Variants in SGPL1 observed in about 807,000 individuals in gnomAD.
The protein encoded by SGPL1 is SP-lyase 1.
Under a neutral mutation model 68.9 loss-of-function variants are expected in SGPL1, and 37 were observed. The observed-to-expected ratio is 0.54, with a 90% CI of 0.41 to 0.71. SGPL1 has a LOEUF of 0.71. Among genes scored for constraint, SGPL1 ranks in the 30% least tolerant of loss-of-function variants. The pLI is 0.00. For synonymous variants in SGPL1, 236 were observed against 248.5 expected (o/e 0.95, Z 0.47); for missense variants, 551 against 704.6 (o/e 0.78, Z 2.47).
At chr10:70,863,237 T>G (rs567417246) in intron 7 of SGPL1, among the ~76,000 whole-genome samples, 108 of 151,514 alleles carry the variant, frequency 7.1e-4, no homozygotes, top group Non-Finnish European at 1.3e-3. Context: ...TCTGCCTGCC[T>G]TGGCTTCTCA....
At chr10:70,858,726 C>T (rs769438342) in intron 6 of SGPL1, among the ~76,000 whole-genome samples, 6 of 152,174 alleles carry the variant, frequency 3.9e-5, no homozygotes. Flanking sequence ...CTTCATTTCC[C>T]ACATAAACAC....
intron 7 of SGPL1, among the ~76,000 whole-genome samples, chr10:70,861,568 G>A (rs993101124): frequency 3.3e-5 from 5 of 152,338 alleles, no homozygotes; most frequent in East Asian, 3.9e-4. Context: ...TCAGCCCACC[G>A]CTGCACTGTA....
chr10:70,857,430 C>A, intron 5 of SGPL1, 184 bp from the exon 6 acceptor site: 4 of 520,900 alleles, frequency 7.7e-6, no homozygotes, highest in Non-Finnish European at 6.9e-6. Flanking sequence ...GATTTTTCAT[C>A]TTTATTTTAT....
At position 70,871,164 on chromosome 10, in the gene SGPL1, G is replaced by GCTGCTAA. The variant is rs2131942047; in HGVS notation, c.909+19_909+25dup. ...TGGCCAAGGTATATGAGAGAAATGGGCTGCTAAGGCAGGCAAATGGATATT... is the reference window on the plus strand; with the variant it reads ...TGGCCAAGGTATATGAGAGAAATGGGCTGCTAACTGCTAAGGCAGGCAAATGGATATT... On this transcript the variant is annotated intron_variant, in intron 10 of 14. Coordinates refer to ENST00000373202, the MANE Select transcript of SGPL1 (RefSeq NM_003901.4). 3 of 1,502,716 alleles carry GCTGCTAA rather than the reference G, an allele frequency of 2.0e-6. No individual in the cohort carries two copies. In the East Asian group the frequency reaches 6.8e-5, roughly 34 times the overall value. The allele number at this position is 1,502,716 out of a possible 1,614,324, so 93.1% of individuals were successfully genotyped here.
At chr10:70,860,311 C>T (rs1846030079) in intron 7 of SGPL1, 3 of 452,928 alleles carry the variant, frequency 6.6e-6, no homozygotes, top group African/African-American at 6.2e-5. Flanking sequence ...ATCATATTTG[C>T]AGTCATTATA....
Position 70,854,849 on chromosome 10 carries a change from T to C in SGPL1, c.403T>C (p.Ser135Pro). Residue 135 changes from serine (S) to proline (P), a missense_variant, in exon 5 of 15, where the codon TCT becomes CCT. Coordinates refer to ENST00000373202, the MANE Select transcript of SGPL1 (RefSeq NM_003901.4). ...AVLEKLKEYS[S>P]MDAFWQEGRA... is the part of the protein sequence containing the mutation. ...TTTGGAGAAACTTAAGGAGTACAGC[T>C]CTATGGGTATGATGCTTGGCATATA... The C allele has an allele frequency of 6.2e-7, 1 of 1,604,580 alleles. No individual in the cohort carries two copies. The highest frequency in any genetic ancestry group is 8.5e-7 in the Non-Finnish European group (1 of 1,176,712).
At chr10:70,865,335 T>G (rs1846164004) in intron 7 of SGPL1, among the ~76,000 whole-genome samples, 1 of 149,644 alleles carries the variant, frequency 6.7e-6, no homozygotes, top group African/African-American at 2.5e-5. Context: ...TTTTTTTTTT[T>G]CTTCCCATCT....
Position 70,879,379 on chromosome 10 carries a change from ATGTGTG to A in SGPL1, c.*2064_*2069del, listed in dbSNP as rs34643236. On this transcript the variant is annotated 3_prime_UTR_variant, in exon 15 of 15. Coordinates refer to ENST00000373202, the MANE Select transcript of SGPL1 (RefSeq NM_003901.4). ...GCCATTCAGGGCTGGTGTGGCATTT[ATGTGTG>A]TGTGTGTGTGTGTGTGTGTTTTTCC... 14 of 150,374 alleles carry A rather than the reference ATGTGTG, an allele frequency of 9.3e-5. No individual in the cohort carries two copies. Among genetic ancestry groups the A allele is most frequent in the South Asian group, 2.1e-4 (1 of 4,698 alleles). 9.3% of individuals were successfully genotyped at this position (150,374 alleles called of 1,614,324 possible). A position where few individuals can be genotyped will look rare whatever the true frequency, so the allele number is the denominator to read the frequency against.
At chr10:70,821,263 C>T (rs371311936) in intron 2 of SGPL1, among the ~76,000 whole-genome samples, 140 of 152,348 alleles carry the variant, frequency 9.2e-4, no homozygotes, top group African/African-American at 3.1e-3. Context: ...CTTTCTCCCC[C>T]TTGGCAACCA....
At chr10:70,876,749 C>T in intron 14 of SGPL1, 88 bp downstream of exon 14, 3 of 1,148,090 alleles carry the variant, frequency 2.6e-6, no homozygotes, top group Admixed American at 2.2e-5. Context: ...GGAGTCTGTT[C>T]CTGCCTCTGC....
At chr10:70,854,633 T>C in intron 4 of SGPL1, 75 bp from the exon 5 acceptor site, 1 of 1,355,204 alleles carries the variant, frequency 7.4e-7, no homozygotes, top group Non-Finnish European at 1.0e-6. Flanking sequence ...GAGCAGTTGC[T>C]TGACTGTCAT....
Position 70,877,198 on chromosome 10 carries a change from G to C in SGPL1, c.1570G>C (p.Ala524Pro). Residue 524 changes from alanine (A) to proline (P), a missense_variant, in exon 15 of 15, where the codon GCC (alanine) becomes CCC (proline). Coordinates refer to ENST00000373202, the MANE Select transcript of SGPL1 (RefSeq NM_003901.4). Reference protein sequence around the residue: ...NPKAKTTGMGAIYGMAQTTVD... With the variant: ...NPKAKTTGMGPIYGMAQTTVD... ...GTCTCTTTCTTTGGATTTGTAGGGTGCCATCTATGGCATGGCCCAGACAAC... is the reference window on the plus strand; with the variant it reads ...GTCTCTTTCTTTGGATTTGTAGGGTCCCATCTATGGCATGGCCCAGACAAC... 6.2e-7 allele frequency: 1 copy of C among 1,614,160 alleles called. No homozygotes were observed.
At chr10:70,870,655 G>C (rs529368902) in intron 9 of SGPL1, among the ~76,000 whole-genome samples, 3 of 152,144 alleles carry the variant, frequency 2.0e-5, no homozygotes, top group Non-Finnish European at 4.4e-5. Context: ...TGAGCTTTAT[G>C]ACATTCCAGA....
At position 70,844,707 on chromosome 10, in the gene SGPL1, T is replaced by C; in HGVS notation, c.193+69T>C. The C allele has an allele frequency of 7.1e-6, 10 of 1,400,182 alleles. 1 individual carries two copies. Among genetic ancestry groups the C allele is most frequent in the Non-Finnish European group, 9.9e-6 (10 of 1,013,522 alleles). 86.7% of individuals were successfully genotyped at this position (1,400,182 alleles called of 1,614,324 possible). On this transcript the variant is annotated intron_variant, in intron 3 of 14. Coordinates refer to ENST00000373202, the MANE Select transcript of SGPL1 (RefSeq NM_003901.4). Reference sequence around the variant, plus strand: ...TAGCCTCAAACTAATTGCTGAGAGATAGGACTAATTTATTGCCTTTTGGTT... The same window carrying C: ...TAGCCTCAAACTAATTGCTGAGAGACAGGACTAATTTATTGCCTTTTGGTT...
rs372421253 is a variant in SGPL1 at position 70,816,924 on chromosome 10, T to TC, written c.27+46dup. 6.7e-4 allele frequency: 1,067 copies of TC among 1,600,078 alleles called. 4 individuals carry two copies. In the African/African-American group the frequency reaches 0.013, roughly 19 times the overall value. On this transcript the variant is annotated intron_variant, in intron 2 of 14. Transcript: ENST00000373202. ...TCCTCCTGGTTCCAAGGCATTTGTC[T>TC]CCGTTTTTTTAGTCCAAAGGATCCC... is the stretch of plus-strand genomic sequence containing the variant.
chr10:70,822,144 T>A (rs531281520), intron 2 of SGPL1, among the ~76,000 whole-genome samples: 2 of 152,346 alleles, frequency 1.3e-5, no homozygotes, highest in South Asian at 4.1e-4. Context: ...AGCTCTGTTC[T>A]ATTATTTGAG....
intron 2 of SGPL1, among the ~76,000 whole-genome samples, chr10:70,817,747 C>T (rs1845262252): frequency 6.6e-6 from 1 of 152,202 alleles, no homozygotes; most frequent in Non-Finnish European, 1.5e-5. Flanking sequence ...GTTATGGTTC[C>T]TCGACAGGCA....
chr10:70,827,429 A>G (rs940348999), intron 2 of SGPL1, among the ~76,000 whole-genome samples: 1 of 152,182 alleles, frequency 6.6e-6, no homozygotes, highest in Non-Finnish European at 1.5e-5. Context: ...GTGCATTCAG[A>G]TTTAAAATTG....
chr10:70,854,271 T>G (rs1845928726), intron 4 of SGPL1, among the ~76,000 whole-genome samples: 2 of 151,538 alleles, frequency 1.3e-5, no homozygotes, highest in Admixed American at 6.6e-5. Context: ...ACCTCCTGGG[T>G]TCAAGTGATT....
Sources: gnomAD v4.1 joint callset for allele counts (sites outside exome capture counted in the v4.1 genomes callset) on GRCh38, gnomAD v4.1.1 for gene constraint, MANE v1.5 for transcripts, NCBI Gene and HGNC (gene_info 2026-07-23, HGNC 2026-07-21) for gene names.